The following PTPRN2 variants were observed in gnomAD, a reference collection of about 807,000 sequenced individuals.
PTPRN2 encodes the protein receptor-type tyrosine-protein phosphatase N2.
PTPRN2 carries 74 observed loss-of-function variants against 118.8 expected under a neutral mutation model. That is an observed-to-expected ratio of 0.62 (90% CI 0.52 to 0.76). The LOEUF (loss-of-function observed/expected upper bound fraction) is 0.76. PTPRN2 is among the 30% of genes least tolerant of loss of function. PTPRN2 has a pLI of 0.00. For missense variants in PTPRN2, 1,481 were observed against 1,394.4 expected, an observed-to-expected ratio of 1.06 and a Z score of -0.99; for synonymous variants, 641 against 608.0, an observed-to-expected ratio of 1.05 and a Z score of -0.80.
At chr7:157,612,931 C>T (rs1802464880) in intron 15 of PTPRN2, among the ~76,000 whole-genome samples, 1 of 152,176 alleles carries the variant, frequency 6.6e-6, no homozygotes, top group Admixed American at 6.5e-5. Flanking sequence ...CAGCCGAAGG[C>T]CCCGCCTCCC....
At position 158,023,719 on chromosome 7, in the gene PTPRN2, G is replaced by T. The variant is rs143855432; in HGVS notation, c.1723+57579C>A. Among the ~76,000 whole-genome samples, 16 of 152,286 alleles carry T rather than the reference G, an allele frequency of 1.1e-4. No individual in the cohort carries two copies. In the East Asian group the frequency reaches 3.1e-3, roughly 29 times the overall value. ...TTGAAATGAGTAAACAAATCTTCAT[G>T]CCCAGTTTGTCATCTCCTCCTTACC... is the stretch of plus-strand genomic sequence containing the variant. On this transcript the variant is annotated intron_variant, in intron 11 of 22. Transcript: ENST00000389418.
At chr7:157,998,067 T>TGGGGGGAGAGGAGTGCAGGGG (rs1563313805) in intron 11 of PTPRN2, among the ~76,000 whole-genome samples, 4 of 4,302 alleles carry the variant, frequency 9.3e-4, no homozygotes, top group Admixed American at 3.1e-3. Flanking sequence ...GAGTGCAGGG[T>TGGGGGGAGAGGAGTGCAGGGG]GGGGGGAGAG....
intron 14 of PTPRN2, among the ~76,000 whole-genome samples, chr7:157,625,751 A>G (rs1275271793): frequency 5.3e-5 from 8 of 152,130 alleles, no homozygotes; most frequent in Admixed American, 5.2e-4. Context: ...GTTAGCTCAG[A>G]AAAAAAACCT....
chr7:158,134,898 T>C (rs958085936), intron 8 of PTPRN2, among the ~76,000 whole-genome samples: 2 of 152,194 alleles, frequency 1.3e-5, no homozygotes, highest in Non-Finnish European at 2.9e-5. Context: ...AAATTATTGG[T>C]ACCAGATCAC....
chr7:158,251,895 G>A (rs1055476563), intron 3 of PTPRN2, among the ~76,000 whole-genome samples: 10 of 152,148 alleles, frequency 6.6e-5, no homozygotes, highest in African/African-American at 2.2e-4. Context: ...CTGGACCTGT[G>A]ACTTGAAGCC....
chr7:157,837,818 A>G (rs1426118733), intron 12 of PTPRN2, among the ~76,000 whole-genome samples: 1 of 152,180 alleles, frequency 6.6e-6, no homozygotes, highest in Non-Finnish European at 1.5e-5. Flanking sequence ...GGAGCCTTGG[A>G]CTCAGGGGTG....
chr7:158,223,692 C>T (rs759320458), intron 3 of PTPRN2, among the ~76,000 whole-genome samples: 1 of 152,074 alleles, frequency 6.6e-6, no homozygotes, highest in Non-Finnish European at 1.5e-5. Context: ...CTACAAAACC[C>T]CACATTTCAC....
chr7:158,379,859 G>C (rs1238029169), intron 2 of PTPRN2, among the ~76,000 whole-genome samples: 1 of 152,054 alleles, frequency 6.6e-6, no homozygotes, highest in Non-Finnish European at 1.5e-5. Context: ...CCACATGGCT[G>C]GGGGGGCCTC....
intron 9 of PTPRN2, among the ~76,000 whole-genome samples, chr7:158,113,530 C>A (rs1816462517): frequency 6.6e-6 from 1 of 152,132 alleles, no homozygotes; most frequent in African/African-American, 2.4e-5. Context: ...AGACCCCAGG[C>A]ATTCTCTATC....
intron 3 of PTPRN2, among the ~76,000 whole-genome samples, chr7:158,284,570 A>G (rs1204025106): frequency 1.3e-5 from 2 of 152,170 alleles, no homozygotes; most frequent in Admixed American, 6.5e-5. Flanking sequence ...GACAGAAATT[A>G]TGGACTCTTT....
At chr7:158,151,519 G>GCCCGCCTTTCTATTCCTGCCCCTGCCCA (rs1563522339) in intron 6 of PTPRN2, among the ~76,000 whole-genome samples, 1 of 12,866 alleles carries the variant, frequency 7.8e-5, no homozygotes, top group Admixed American at 1.3e-3. Context: ...GCTCCTCACC[G>GCCCGCCTTTCTATTCCTGCCCCTGCCCA]CACGTCCTAC....
intron 2 of PTPRN2, among the ~76,000 whole-genome samples, chr7:158,415,760 A>G (rs1436558327): frequency 7.9e-5 from 12 of 152,184 alleles, no homozygotes; most frequent in Admixed American, 7.2e-4. Context: ...TCCTCATTCA[A>G]TTGATAAATG....
intron 6 of PTPRN2, among the ~76,000 whole-genome samples, chr7:158,166,308 C>A (rs1453908724): frequency 2.2e-4 from 13 of 59,096 alleles, no homozygotes; most frequent in East Asian, 7.9e-4. Context: ...TCCTCCTCCC[C>A]CCCGGCCGCC....
In PTPRN2 at chr7:158,138,380, C is replaced by T. The variant is rs748134802; in HGVS notation, c.1046G>A (p.Arg349Gln). 72 of 1,613,742 alleles carry T rather than the reference C, an allele frequency of 4.5e-5. No individual in the cohort carries two copies. The highest frequency in any genetic ancestry group is 2.2e-4 in the Admixed American group (13 of 60,004). ...LMQGVDHGVA[R>Q]GSPGRAALGE... is the part of the protein sequence containing the mutation. ...CAGGGCCGCTCTCCCAGGGCTGCCT[C>T]GAGCTACTCCATGGTCCACGCCTTG... is the stretch of plus-strand genomic sequence containing the variant. Residue 349 changes from arginine to glutamine, a missense_variant, in exon 7 of 23, where the codon CGA becomes CAA. By Grantham distance (43) the Arg-to-Gln change is conservative. This residue lies in a region of PTPRN2 where 1,115 missense variants were observed against 994.2 expected (regional missense o/e 1.12). Coordinates refer to ENST00000389418, the MANE Select transcript of PTPRN2 (RefSeq NM_002847.5).
chr7:158,214,052 C>A (rs1827797193), intron 3 of PTPRN2, among the ~76,000 whole-genome samples: 4 of 152,000 alleles, frequency 2.6e-5, no homozygotes, highest in Non-Finnish European at 5.9e-5. Flanking sequence ...GCCATCTCAG[C>A]CTTCCCGGAA....
rs115840278 is a variant in PTPRN2, at chr7:158,024,996, G to C, written c.1723+56302C>G. Among the ~76,000 whole-genome samples, 992 of 152,302 alleles carry C rather than the reference G, an allele frequency of 6.5e-3. 9 individuals are homozygous for C. The highest frequency in any genetic ancestry group is 0.022 in the African/African-American group (934 of 41,560). On this transcript the variant is annotated intron_variant, in intron 11 of 22. Coordinates refer to ENST00000389418, the MANE Select transcript of PTPRN2 (RefSeq NM_002847.5). ...TGATTGTGGGCAGTGGGTGGTTTGT[G>C]AATGTCAGAATAAGCTTTTCTTCTC...
At chr7:157,737,270 C>T (rs1800353542) in intron 12 of PTPRN2, among the ~76,000 whole-genome samples, 1 of 152,250 alleles carries the variant, frequency 6.6e-6, no homozygotes, top group Non-Finnish European at 1.5e-5. Context: ...GAAGCCCAAG[C>T]TCGCCCCAGA....
chr7:158,188,548 C>T lies in PTPRN2; in HGVS notation c.549+3779G>A, dbSNP rs1406158424. ...ACGCTCGCCGCCTGATGGGGAAGGC[C>T]GCCACGCTCGCCCCCTGTATGGGGA... On this transcript the variant is annotated intron_variant, in intron 5 of 22. Coordinates refer to ENST00000389418, the MANE Select transcript of PTPRN2 (RefSeq NM_002847.5). Among the ~76,000 whole-genome samples, 13 of 106,894 alleles carry T rather than the reference C, an allele frequency of 1.2e-4. 1 individual carries two copies. The highest frequency in any genetic ancestry group is 1.1e-3 in the Admixed American group (12 of 10,800). The allele number at this position is 106,894 out of a possible 152,430, so 70.1% of individuals were successfully genotyped here.
At chr7:157,541,518 G>A (rs1421396697) in intron 22 of PTPRN2, among the ~76,000 whole-genome samples, 1 of 152,274 alleles carries the variant, frequency 6.6e-6, no homozygotes, top group Non-Finnish European at 1.5e-5. Flanking sequence ...GCGCCGGAGA[G>A]CGTATCTGCC....
Sources: gnomAD v4.1 joint callset for allele counts (sites outside exome capture counted in the v4.1 genomes callset) on GRCh38, gnomAD v4.1.1 for gene constraint, gnomAD v4.1.1 regional missense constraint, MANE v1.5 for transcripts, NCBI Gene and HGNC (gene_info 2026-07-23, HGNC 2026-07-21) for gene names.